EP400: variants seen among roughly 807,000 people sequenced by gnomAD.
EP400 encodes the protein E1A-binding protein p400.
EP400 carries 105 observed loss-of-function variants against 354.1 expected under a neutral mutation model. The observed-to-expected ratio is 0.30, with a 90% CI of 0.25 to 0.35. The LOEUF (loss-of-function observed/expected upper bound fraction) is 0.35. Ranked by LOEUF, EP400 falls within the 10% of genes least tolerant of loss-of-function variation. EP400 has a pLI of 1.00. For synonymous variants in EP400, 1,646 were observed against 1,716.9 expected, an observed-to-expected ratio of 0.96 and a Z score of 1.02; for missense variants, 3,280 against 4,121.0, an observed-to-expected ratio of 0.80 and a Z score of 5.59.
At chr12:131,986,427 G>T in intron 5 of EP400, 87 bp from the exon 6 acceptor site, 1 of 1,377,038 alleles carries the variant, frequency 7.3e-7, no homozygotes, top group Non-Finnish European at 9.9e-7. Flanking sequence ...GCGCGTCTCT[G>T]GTGCTGTGGG....
chr12:132,005,142 C>T lies in EP400; in HGVS notation c.2893C>T (p.Pro965Ser). ...CGCCTTCCTGCCGAGTTCTCAGTGG[C>T]CCCGGCCGAAGCCTGATGGGGAGGA... is the stretch of plus-strand genomic sequence containing the variant. ...EGAFLPSSQWPRPKPDGEDTS... is the reference protein window; with the variant it reads ...EGAFLPSSQWSRPKPDGEDTS... Residue 965 changes from proline (P) to serine (S), a missense_variant, in exon 13 of 53, where the codon CCC (proline) becomes TCC (serine). This residue lies in a region of EP400 where 800 missense variants were observed against 840.0 expected (regional missense o/e 0.95). Transcript: ENST00000389561. 1.9e-6 allele frequency: 3 copies of T among 1,586,788 alleles called. No individual in the cohort carries two copies. The highest frequency in any genetic ancestry group is 2.6e-6 in the Non-Finnish European group (3 of 1,166,632).
chr12:131,974,217 A>AATC (rs1892391429), intron 2 of EP400, among the ~76,000 whole-genome samples: 1 of 151,828 alleles, frequency 6.6e-6, no homozygotes, highest in African/African-American at 2.4e-5. Context: ...GACCTCAGGT[A>AATC]ATCCGCCTAC....
In EP400 at chr12:132,043,477, T is replaced by C; in HGVS notation, c.6366+15T>C. On this transcript the variant is annotated intron_variant, in intron 33 of 52. Coordinates refer to ENST00000389561, the MANE Select transcript of EP400 (RefSeq NM_015409.5). The stretch of plus-strand genomic sequence containing the variant: ...TCATGGAGCAGGTTTGGGCATGTTT[T>C]CCTTTACAACTACATATTTTAAAAA... 8.7e-6 allele frequency: 14 copies of C among 1,610,096 alleles called. No homozygotes were observed. The highest frequency in any genetic ancestry group is 1.2e-5 in the Non-Finnish European group (14 of 1,179,458).
chr12:132,045,927 A>G, intron 39 of EP400, 27 bp downstream of exon 39: 1 of 1,611,600 alleles, frequency 6.2e-7, no homozygotes, highest in Non-Finnish European at 8.5e-7. Context: ...TTGTCCTTCG[A>G]GGAGAGCACA....
At chr12:132,072,824 G>C (rs1896104579) in intron 51 of EP400, among the ~76,000 whole-genome samples, 1 of 152,166 alleles carries the variant, frequency 6.6e-6, no homozygotes, top group African/African-American at 2.4e-5. Flanking sequence ...TATCTTAGAA[G>C]GCTTTTCATT....
In EP400 at chr12:131,994,129, C is replaced by T. The variant is rs952303015; in HGVS notation, c.2738-738C>T. Among the ~76,000 whole-genome samples, 7 of 151,100 alleles carry T rather than the reference C, an allele frequency of 4.6e-5. 1 individual carries two copies. The South Asian group carries it at 8.3e-4, about 18-fold the overall frequency. On this transcript the variant is annotated intron_variant, in intron 11 of 52. Transcript: ENST00000389561. This position sits in a 1 kb window ranked among gnomAD's most constrained non-coding sequence, Gnocchi z 4.6. ...GGAAAGGCAGCACCTGGAGGCCCAG[C>T]GACTTGTGTGGTTGGGGTCAGGTGC...
Position 132,053,589 on chromosome 12 carries a change from G to T in EP400, c.7720G>T (p.Ala2574Ser). 6.4e-7 allele frequency: 1 copy of T among 1,554,706 alleles called. No individual in the cohort carries two copies. Among genetic ancestry groups the T allele is most frequent in the South Asian group, 1.2e-5 (1 of 85,914 alleles). ...CGCAATCACGACGGGGGGCAGTGCA[G>T]CCGTACTGGTGAGCAGGGGCCTCCT... is the stretch of plus-strand genomic sequence containing the variant. ...QPAITTGGSAAVLAGTIKTSV... is the reference protein window; with the variant it reads ...QPAITTGGSASVLAGTIKTSV... Residue 2574 changes from alanine (A) to serine (S), a missense_variant, in exon 43 of 53, where the codon GCC becomes TCC. By Grantham distance (99) the Ala-to-Ser change is moderately conservative (BLOSUM62 1). This residue lies in a region of EP400 where 255 missense variants were observed against 295.9 expected (regional missense o/e 0.86). Coordinates refer to ENST00000389561, the MANE Select transcript of EP400 (RefSeq NM_015409.5).
At position 131,994,840 on chromosome 12, in the gene EP400, A is replaced by G. The variant is rs754494274; in HGVS notation, c.2738-27A>G. 3.7e-6 allele frequency: 6 copies of G among 1,606,644 alleles called. No individual in the cohort carries two copies. In the South Asian group the frequency reaches 6.6e-5, roughly 18 times the overall value. ...AGACACTCAAGTGGTGTTGCCTCTC[A>G]GTGACACTTGCTGATAACCATTTTA... On this transcript the variant is annotated intron_variant, in intron 11 of 52. Transcript: ENST00000389561. This position sits in a 1 kb window ranked among gnomAD's most constrained non-coding sequence, Gnocchi z 4.6.
At position 132,017,986 on chromosome 12, in the gene EP400, G is replaced by A. The variant is rs1202051711; in HGVS notation, c.4111-224G>A. Among the ~76,000 whole-genome samples, 2 of 152,224 alleles carry A rather than the reference G, an allele frequency of 1.3e-5. No homozygotes were observed. Among genetic ancestry groups the A allele is most frequent in the African/African-American group, 4.8e-5 (2 of 41,456 alleles). ...GCTTTCTTGGCGTTGTGTGGATTGT[G>A]GGCTGTGAGAAGTAGCTGAGCATGC... On this transcript the variant is annotated intron_variant, in intron 20 of 52. Transcript: ENST00000389561. This position sits in a 1 kb window ranked among gnomAD's most constrained non-coding sequence, Gnocchi z 5.0.
rs916759408 is a variant in EP400 at position 132,043,361 on chromosome 12, G to C, written c.6265G>C (p.Val2089Leu). 1.5e-5 allele frequency: 25 copies of C among 1,613,974 alleles called. No individual in the cohort carries two copies. Among genetic ancestry groups the C allele is most frequent in the Non-Finnish European group, 2.1e-5 (25 of 1,180,032 alleles). ...EDAQKSAQEG[V>L]LGPHTDALSS... ...TGCCCAGAAGTCCGCACAGGAGGGG[G>C]TGCTGGGACCACACACTGATGCTCT... Residue 2089 changes from valine (V) to leucine (L), a missense_variant, in exon 33 of 53, where the codon GTG becomes CTG. By Grantham distance (32) the Val-to-Leu change is conservative (BLOSUM62 1). Coordinates refer to ENST00000389561, the MANE Select transcript of EP400 (RefSeq NM_015409.5).
At position 132,025,753 on chromosome 12, in the gene EP400, G is replaced by A; in HGVS notation, c.4963G>A (p.Gly1655Arg). 6.2e-7 allele frequency: 1 copy of A among 1,612,318 alleles called. No homozygotes were observed. Among genetic ancestry groups the A allele is most frequent in the South Asian group, 1.1e-5 (1 of 90,930 alleles). The change falls in exon 25 of 53, where the codon GGA (glycine) becomes AGA (arginine). Residue 1655 changes from glycine (G) to arginine (R), a missense_variant. By Grantham distance (125) the Gly-to-Arg change is moderately radical. Transcript: ENST00000389561. The surrounding 1 kb of genome is among the most constrained non-coding windows in gnomAD (Gnocchi z 4.1). The part of the protein sequence containing the change: ...SQAGAVHGAL[G>R]SKPPAGGPSP... ...GGCGGGCGCTGTGCACGGCGCCCTG[G>A]GAAGCAAGCCCCCGGCCGGCGGTCC...
intron 32 of EP400, among the ~76,000 whole-genome samples, chr12:132,042,417 C>T (rs1894944000): frequency 6.6e-6 from 1 of 152,214 alleles, no homozygotes; most frequent in Non-Finnish European, 1.5e-5. Context: ...GGGCCCACAT[C>T]TGCCGTCTTT....
intron 2 of EP400, among the ~76,000 whole-genome samples, chr12:131,974,846 CG>C (rs1892415136): frequency 6.6e-6 from 1 of 151,666 alleles, no homozygotes; most frequent in South Asian, 2.1e-4. Context: ...AAAAATTAGC[CG>C]GGCTTGGTGG....
chr12:132,047,615 A>G (rs1187822538), intron 39 of EP400, among the ~76,000 whole-genome samples: 1 of 152,236 alleles, frequency 6.6e-6, no homozygotes, highest in African/African-American at 2.4e-5. Context: ...AGGTAATAGA[A>G]TATCACAAGG....
In EP400 at chr12:131,990,744, G is replaced by A. The variant is rs756846868; in HGVS notation, c.2629+30G>A. The A allele has an allele frequency of 5.3e-6, 8 of 1,499,276 alleles. No homozygotes were observed. Among genetic ancestry groups the A allele is most frequent in the African/African-American group, 1.4e-5 (1 of 71,686 alleles). The allele number at this position is 1,499,276 out of a possible 1,614,324, so 92.9% of individuals were successfully genotyped here. A position where few individuals can be genotyped will look rare whatever the true frequency, so the allele number is the denominator to read the frequency against. ...GACCCTTTAAAAAAAGGCTCACCAC[G>A]CTTGGGTGGTATTTTGTTCGGATTC... is the stretch of plus-strand genomic sequence containing the variant. On this transcript the variant is annotated intron_variant, in intron 9 of 52. Coordinates refer to ENST00000389561, the MANE Select transcript of EP400 (RefSeq NM_015409.5). The surrounding 1 kb of genome is among the most constrained non-coding windows in gnomAD (Gnocchi z 4.2).
In EP400 at chr12:132,017,475, T is replaced by G; in HGVS notation, c.3924-60T>G. The G allele has an allele frequency of 1.9e-6, 3 of 1,565,600 alleles. No individual in the cohort carries two copies. In the South Asian group the frequency reaches 3.4e-5, roughly 18 times the overall value. ...GAGTTGGGACAGTCGATGGTGAGGGTGGGACTATGTCCATGTGCCGTTTGG... is the reference window on the plus strand; with the variant it reads ...GAGTTGGGACAGTCGATGGTGAGGGGGGGACTATGTCCATGTGCCGTTTGG... On this transcript the variant is annotated intron_variant, in intron 19 of 52. Coordinates refer to ENST00000389561, the MANE Select transcript of EP400 (RefSeq NM_015409.5). The surrounding 1 kb of genome is among the most constrained non-coding windows in gnomAD (Gnocchi z 5.0).
intron 2 of EP400, among the ~76,000 whole-genome samples, chr12:131,965,691 A>G (rs972153085): frequency 1.3e-5 from 2 of 152,126 alleles, no homozygotes; most frequent in Admixed American, 6.5e-5. Context: ...CCTTTTCCAG[A>G]ATGAATATCT....
chr12:132,034,822 A>C (rs547832907), intron 30 of EP400, among the ~76,000 whole-genome samples: 57 of 152,296 alleles, frequency 3.7e-4, no homozygotes, highest in Non-Finnish European at 7.6e-4. Context: ...GTGGAGCAGC[A>C]GTGTTAGAAC....
In EP400 at chr12:131,979,801, G is replaced by A. The variant is rs112368551; in HGVS notation, c.1435+8G>A. The A allele has an allele frequency of 2.7e-3, 4,279 of 1,596,618 alleles. 100 individuals carry two copies. The African/African-American group carries it at 0.051, about 19-fold the overall frequency. On this transcript the variant is annotated splice_region_variant and intron_variant, in intron 3 of 52. Coordinates refer to ENST00000389561, the MANE Select transcript of EP400 (RefSeq NM_015409.5). Reference sequence around the variant, plus strand: ...CCTCCACAGGTATGGCAGGTACGTCGGCACGGCTAGCGTGGCCTCGGGAAT... The same window carrying A: ...CCTCCACAGGTATGGCAGGTACGTCAGCACGGCTAGCGTGGCCTCGGGAAT...
Sources: allele counts gnomAD v4.1 joint callset (sites outside exome capture counted in the v4.1 genomes callset), GRCh38; gene constraint gnomAD v4.1.1; regional missense constraint gnomAD v4.1.1; non-coding constraint Gnocchi (gnomAD v3.1); transcripts MANE v1.5; gene names NCBI Gene and HGNC (gene_info 2026-07-23, HGNC 2026-07-21).